The following ADAMTS6 variants were observed in gnomAD, a reference collection of about 807,000 sequenced individuals.
The protein encoded by ADAMTS6 is A disintegrin and metalloproteinase with thrombospondin motifs 6.
Under a neutral mutation model 144.3 loss-of-function variants are expected in ADAMTS6, and 23 were observed. That is an observed-to-expected ratio of 0.16 (90% CI 0.11 to 0.23). The LOEUF (loss-of-function observed/expected upper bound fraction) is 0.23. ADAMTS6 is among the 10% of genes least tolerant of loss of function. The probability of loss-of-function intolerance (pLI) is 1.00; values close to 1 mark genes in which losing one functional copy is unlikely to be tolerated. For synonymous variants in ADAMTS6, 444 were observed against 457.5 expected (o/e 0.97, Z 0.38); for missense variants, 999 against 1,379.6 (o/e 0.72, Z 4.37).
intron 2 of ADAMTS6, among the ~76,000 whole-genome samples, chr5:65,471,735 G>T (rs1580789042): frequency 6.6e-6 from 1 of 151,498 alleles, no homozygotes; most frequent in African/African-American, 2.4e-5. Flanking sequence ...TCCAGCCTGG[G>T]CGACAGAGCA....
At chr5:65,205,630 A>G (rs1756034928) in intron 20 of ADAMTS6, among the ~76,000 whole-genome samples, 2 of 152,212 alleles carry the variant, frequency 1.3e-5, no homozygotes, top group Admixed American at 6.5e-5. Context: ...CATAGAAACA[A>G]TGTAGAAATA....
intron 7 of ADAMTS6, among the ~76,000 whole-genome samples, chr5:65,401,520 C>T (rs115377121): frequency 6.6e-6 from 1 of 152,264 alleles, no homozygotes; most frequent in Non-Finnish European, 1.5e-5. Flanking sequence ...AGTCAAGCTC[C>T]TACAGGTACA....
rs973786476 is a variant in ADAMTS6, at chr5:65,372,839, T to C, written c.1074-38754A>G. Among the ~76,000 whole-genome samples, 68 of 152,086 alleles carry C rather than the reference T, an allele frequency of 4.5e-4. 1 individual carries two copies. Among genetic ancestry groups the C allele is most frequent in the East Asian group, 5.8e-4 (3 of 5,194 alleles). ...GCACCACACCACACCTATTCCAAAA[T>C]TGACCACATAGTTGGAAGTAAAGCT... On this transcript the variant is annotated intron_variant, in intron 7 of 24. Transcript: ENST00000381055.
At chr5:65,310,463 C>T (rs558148355) in intron 9 of ADAMTS6, among the ~76,000 whole-genome samples, 23 of 152,144 alleles carry the variant, frequency 1.5e-4, no homozygotes, top group Middle Eastern at 3.4e-3. Context: ...GAGGTTGAGG[C>T]GAAGTTAGCT....
At position 65,390,957 on chromosome 5, in the gene ADAMTS6, T is replaced by G. The variant is rs1486812350; in HGVS notation, c.1074-56872A>C. 2.6e-5 allele frequency among the ~76,000 whole-genome samples: 4 copies of G among 151,566 alleles called. 1 individual carries two copies. The highest frequency in any genetic ancestry group is 1.9e-4 in the East Asian group (1 of 5,186). On this transcript the variant is annotated intron_variant, in intron 7 of 24. Transcript: ENST00000381055. Reference sequence around the variant, plus strand: ...TGGTTTTGTTTGTTTTTTGAGGGTTTTTTTTTTTTTTGAAAGGTTCTCACT... The same window carrying G: ...TGGTTTTGTTTGTTTTTTGAGGGTTGTTTTTTTTTTTGAAAGGTTCTCACT...
intron 9 of ADAMTS6, among the ~76,000 whole-genome samples, chr5:65,325,079 T>C (rs1343775343): frequency 1.3e-5 from 2 of 152,122 alleles, no homozygotes; most frequent in Non-Finnish European, 2.9e-5. Context: ...AATGAAACTA[T>C]AGAAAAGCAA....
chr5:65,240,319 T>C (rs375871597), intron 15 of ADAMTS6, among the ~76,000 whole-genome samples: 93 of 152,106 alleles, frequency 6.1e-4, no homozygotes, highest in African/African-American at 2.2e-3. Flanking sequence ...TCAAAAACAT[T>C]AGGCTTAAAG....
intron 24 of ADAMTS6, among the ~76,000 whole-genome samples, chr5:65,162,037 A>T (rs1025418781): frequency 1.3e-5 from 2 of 152,222 alleles, no homozygotes; most frequent in Admixed American, 6.5e-5. Flanking sequence ...AGATGAAATA[A>T]CCATGAGGTG....
At chr5:65,315,001 T>C (rs1219407111) in intron 9 of ADAMTS6, among the ~76,000 whole-genome samples, 1 of 152,170 alleles carries the variant, frequency 6.6e-6, no homozygotes, top group African/African-American at 2.4e-5. Context: ...TGCATACAAC[T>C]ATTATGTATC....
At chr5:65,433,594 C>G (rs2074865862) in intron 7 of ADAMTS6, among the ~76,000 whole-genome samples, 1 of 151,936 alleles carries the variant, frequency 6.6e-6, no homozygotes, top group Admixed American at 6.6e-5. Context: ...GTAAAAGTAC[C>G]TTACATATTT....
intron 9 of ADAMTS6, among the ~76,000 whole-genome samples, chr5:65,313,660 T>C (rs1040124828): frequency 4.6e-5 from 7 of 152,088 alleles, no homozygotes; most frequent in African/African-American, 1.2e-4. Flanking sequence ...TTATTAAGCA[T>C]GATTTTACAA....
chr5:65,193,240 A>G (rs1272809321), intron 21 of ADAMTS6, among the ~76,000 whole-genome samples: 1 of 152,026 alleles, frequency 6.6e-6, no homozygotes, highest in Non-Finnish European at 1.5e-5. Context: ...TTTTATCAGT[A>G]AAAATAGATC....
At chr5:65,245,628 T>C (rs180777061) in intron 14 of ADAMTS6, among the ~76,000 whole-genome samples, 1 of 152,278 alleles carries the variant, frequency 6.6e-6, no homozygotes, top group East Asian at 1.9e-4. Context: ...ATCATCATCA[T>C]CATGAACTAC....
At chr5:65,219,370 T>A (rs1392460878) in intron 18 of ADAMTS6, among the ~76,000 whole-genome samples, 13 of 151,762 alleles carry the variant, frequency 8.6e-5, no homozygotes, top group Non-Finnish European at 1.0e-4. Context: ...CCCACCAAAC[T>A]AAAGATTAGA....
At chr5:65,352,273 G>C (rs1580467107) in intron 7 of ADAMTS6, among the ~76,000 whole-genome samples, 2 of 151,370 alleles carry the variant, frequency 1.3e-5, no homozygotes, top group East Asian at 3.9e-4. Flanking sequence ...GATAGGCATA[G>C]AGTCCGTTCT....
chr5:65,240,534 G>A (rs985332216), intron 15 of ADAMTS6, among the ~76,000 whole-genome samples: 3 of 152,090 alleles, frequency 2.0e-5, no homozygotes, highest in African/African-American at 7.2e-5. Context: ...TGAAGATGAG[G>A]CCTTTGGAAG....
chr5:65,170,308 T>C (rs1440626898), intron 24 of ADAMTS6, among the ~76,000 whole-genome samples: 1 of 152,206 alleles, frequency 6.6e-6, no homozygotes, highest in Non-Finnish European at 1.5e-5. Context: ...GAAACAGCTC[T>C]AAAGTCCTAC....
At chr5:65,215,268 T>A in intron 19 of ADAMTS6, 56 bp downstream of exon 19, 1 of 1,554,686 alleles carries the variant, frequency 6.4e-7, no homozygotes, top group Non-Finnish European at 8.7e-7. Flanking sequence ...TGCCCCTTCC[T>A]ACCTCACAAG....
intron 9 of ADAMTS6, among the ~76,000 whole-genome samples, chr5:65,319,413 C>T (rs1010382165): frequency 1.3e-4 from 20 of 150,730 alleles, no homozygotes. Context: ...GGTGTGGTGG[C>T]TCGGGCCTGT....
Sources: gnomAD v4.1 joint callset for allele counts (sites outside exome capture counted in the v4.1 genomes callset) on GRCh38, gnomAD v4.1.1 for gene constraint, MANE v1.5 for transcripts, NCBI Gene and HGNC (gene_info 2026-07-23, HGNC 2026-07-21) for gene names.